Variants in CNTNAP4 observed in about 807,000 individuals in gnomAD.
CNTNAP4 encodes contactin-associated protein-like 4.
CNTNAP4 carries 98 observed loss-of-function variants against 148.4 expected under a neutral mutation model. The observed-to-expected ratio is 0.66, with a 90% CI of 0.56 to 0.78. The LOEUF (loss-of-function observed/expected upper bound fraction) is 0.78. Among genes scored for constraint, CNTNAP4 ranks in the 30% least tolerant of loss-of-function variants. The pLI is 0.00. For missense variants in CNTNAP4, 1,935 were observed against 1,565.6 expected (o/e 1.24, Z -3.98); for synonymous variants, 730 against 565.1 (o/e 1.29, Z -4.14).
At chr16:76,478,312 A>G (rs1021194037) in intron 11 of CNTNAP4, among the ~76,000 whole-genome samples, 8 of 152,168 alleles carry the variant, frequency 5.3e-5, no homozygotes, top group Non-Finnish European at 1.0e-4. Context: ...TAAACTAGTC[A>G]TTTTTACGTA....
rs1285342885 is a variant in CNTNAP4 at position 76,560,649 on chromosome 16, C to T, written c.*1966C>T. Among the ~76,000 whole-genome samples, 1 of 152,152 alleles carries T rather than the reference C, an allele frequency of 6.6e-6. No homozygotes were observed. The highest frequency in any genetic ancestry group is 1.5e-5 in the Non-Finnish European group (1 of 68,028). On this transcript the variant is annotated 3_prime_UTR_variant, in exon 24 of 24. Coordinates refer to ENST00000611870, the MANE Select transcript of CNTNAP4 (RefSeq NM_033401.5). ...CCTCTGTGGTCTGCACTGCTAGAGA[C>T]TCAACATTATGGCATGGAAATGCAT...
chr16:76,311,773 C>G (rs1310714174), intron 1 of CNTNAP4, among the ~76,000 whole-genome samples: 1 of 152,152 alleles, frequency 6.6e-6, no homozygotes, highest in Admixed American at 6.5e-5. Context: ...TTTGGTTACT[C>G]GATTACTAAA....
rs569688904 is a variant in CNTNAP4 at position 76,320,786 on chromosome 16, G to GT, written c.196+4264dup. The stretch of plus-strand genomic sequence containing the variant: ...TCTTTTATAGTGTTATAATCTGAAC[G>GT]TAAGTCTTTATTTTAATGTACTTGG... On this transcript the variant is annotated intron_variant, in intron 2 of 23. Coordinates refer to ENST00000611870, the MANE Select transcript of CNTNAP4 (RefSeq NM_033401.5). 2.4e-4 allele frequency among the ~76,000 whole-genome samples: 36 copies of GT among 152,178 alleles called. No homozygotes were observed. In the East Asian group the frequency reaches 4.6e-3, roughly 20 times the overall value.
At chr16:76,333,177 C>G (rs1455447095) in intron 2 of CNTNAP4, among the ~76,000 whole-genome samples, 1 of 152,188 alleles carries the variant, frequency 6.6e-6, no homozygotes, top group Non-Finnish European at 1.5e-5. Flanking sequence ...GTCCCCAGGT[C>G]AGGTCGTGCC....
chr16:76,476,023 C>G lies in CNTNAP4; in HGVS notation c.1740C>G (p.Tyr580Ter). ...ATTGTAACTGTACCAACACTGGTTA[C>G]AGAGGAGCTACTTGCCATAACTGTA... ...TFHCNCTNTG[Y>*]RGATCHNSIY... Residue 580 changes from tyrosine to a stop codon, truncating the protein, a stop_gained, in exon 11 of 24, where the codon TAC (tyrosine) becomes TAG (stop). Transcript: ENST00000611870. LOFTEE classifies it high-confidence loss of function. 1 of 1,613,102 alleles carries G rather than the reference C, an allele frequency of 6.2e-7. No individual in the cohort carries two copies. Among genetic ancestry groups the G allele is most frequent in the Non-Finnish European group, 8.5e-7 (1 of 1,179,078 alleles).
At chr16:76,555,322 G>A (rs1419796363) in intron 23 of CNTNAP4, among the ~76,000 whole-genome samples, 4 of 152,076 alleles carry the variant, frequency 2.6e-5, no homozygotes, top group South Asian at 4.1e-4. Flanking sequence ...TAAAAAATAG[G>A]ATTCCCATTT....
At chr16:76,340,772 C>T (rs989667554) in intron 2 of CNTNAP4, among the ~76,000 whole-genome samples, 64 of 152,168 alleles carry the variant, frequency 4.2e-4, no homozygotes, top group African/African-American at 1.4e-3. Flanking sequence ...AGCGTGAGAA[C>T]TCCTAACTCT....
intron 3 of CNTNAP4, among the ~76,000 whole-genome samples, chr16:76,401,775 C>A (rs987112763): frequency 6.6e-6 from 1 of 152,084 alleles, no homozygotes. Flanking sequence ...TTATTAAAAG[C>A]CTTTTCCACA....
At chr16:76,541,410 C>T (rs911598626) in intron 21 of CNTNAP4, among the ~76,000 whole-genome samples, 1 of 152,086 alleles carries the variant, frequency 6.6e-6, no homozygotes, top group Non-Finnish European at 1.5e-5. Flanking sequence ...TTTACACTTG[C>T]CAACAAGGAT....
chr16:76,476,123 T>C (rs1360170817), intron 11 of CNTNAP4, 78 bp downstream of exon 11: 1 of 963,320 alleles, frequency 1.0e-6, no homozygotes, highest in African/African-American at 1.6e-5. Flanking sequence ...GCTGTGTGTA[T>C]ATATGTCTGT....
chr16:76,548,994 A>G (rs1268284800), intron 21 of CNTNAP4, among the ~76,000 whole-genome samples: 1 of 152,058 alleles, frequency 6.6e-6, no homozygotes, highest in Non-Finnish European at 1.5e-5. Flanking sequence ...AGTTGCTTGT[A>G]GTTTCCCTCC....
At chr16:76,386,629 G>T (rs1405960231) in intron 3 of CNTNAP4, among the ~76,000 whole-genome samples, 1 of 152,102 alleles carries the variant, frequency 6.6e-6, no homozygotes, top group African/African-American at 2.4e-5. Flanking sequence ...GAGATACTTA[G>T]GCACAATAAG....
rs548045419 is a variant in CNTNAP4, at chr16:76,318,415, C to A, written c.196+1892C>A. Among the ~76,000 whole-genome samples, 9 of 152,056 alleles carry A rather than the reference C, an allele frequency of 5.9e-5. 1 individual carries two copies. The South Asian group carries it at 1.9e-3, about 32-fold the overall frequency. On this transcript the variant is annotated intron_variant, in intron 2 of 23. Coordinates refer to ENST00000611870, the MANE Select transcript of CNTNAP4 (RefSeq NM_033401.5). ...TCCATCAGTGGGACTCATTTTCATT[C>A]TTAATTCATTTCTATGGCTCTTGGT...
At chr16:76,308,167 T>C (rs1960698606) in intron 1 of CNTNAP4, among the ~76,000 whole-genome samples, 1 of 152,148 alleles carries the variant, frequency 6.6e-6, no homozygotes, top group East Asian at 1.9e-4. Context: ...AATTAGAAGC[T>C]CATGTTTGTG....
chr16:76,530,390 G>C (rs188418423), intron 17 of CNTNAP4, among the ~76,000 whole-genome samples: 13 of 152,240 alleles, frequency 8.5e-5, no homozygotes, highest in Middle Eastern at 3.4e-3. Context: ...ATTAGCCTAA[G>C]ACGCCCCGAG....
chr16:76,461,380 A>C (rs1159048815), intron 8 of CNTNAP4, among the ~76,000 whole-genome samples: 1 of 152,190 alleles, frequency 6.6e-6, no homozygotes, highest in Non-Finnish European at 1.5e-5. Context: ...GAGAGTTACA[A>C]GTAAGTTCTA....
chr16:76,462,790 T>G (rs1330502738), intron 9 of CNTNAP4, among the ~76,000 whole-genome samples: 6 of 152,236 alleles, frequency 3.9e-5, no homozygotes, highest in African/African-American at 1.4e-4. Flanking sequence ...AATCCAATGT[T>G]TTAAAACTGC....
chr16:76,492,640 G>A (rs548196973), intron 13 of CNTNAP4, among the ~76,000 whole-genome samples: 13 of 152,288 alleles, frequency 8.5e-5, no homozygotes, highest in Middle Eastern at 3.4e-3. Flanking sequence ...CATGGGGGCA[G>A]TTTCCTCCAT....
At chr16:76,433,548 A>C (rs983927055) in intron 4 of CNTNAP4, among the ~76,000 whole-genome samples, 1 of 152,152 alleles carries the variant, frequency 6.6e-6, no homozygotes, top group African/African-American at 2.4e-5. Context: ...AGTTTAGAAA[A>C]CATATAAAGA....
Sources: allele counts gnomAD v4.1 joint callset (sites outside exome capture counted in the v4.1 genomes callset), GRCh38; gene constraint gnomAD v4.1.1; transcripts MANE v1.5; gene names NCBI Gene and HGNC (gene_info 2026-07-23, HGNC 2026-07-21).